The following PDE4DIP variants were observed in gnomAD, a reference collection of about 807,000 sequenced individuals.
PDE4DIP encodes phosphodiesterase 4D interacting protein.
PDE4DIP carries 59 observed loss-of-function variants against 221.4 expected under a neutral mutation model. That is an observed-to-expected ratio of 0.27 (90% CI 0.22 to 0.33). PDE4DIP has a LOEUF of 0.33. Among genes scored for constraint, PDE4DIP ranks in the 10% least tolerant of loss-of-function variants. The pLI is 1.00. For missense variants in PDE4DIP, 1,036 were observed against 2,154.2 expected, an observed-to-expected ratio of 0.48 and a Z score of 10.28; for synonymous variants, 404 against 815.9, an observed-to-expected ratio of 0.50 and a Z score of 8.60.
intron 32 of PDE4DIP, among the ~76,000 whole-genome samples, chr1:149,013,397 T>C: frequency 9.3e-6 from 1 of 107,638 alleles, no homozygotes. Flanking sequence ...ATCCTCTGAC[T>C]CCCAAAGATA....
chr1:148,820,715 G>A lies in PDE4DIP; in HGVS notation c.233+11978G>A, dbSNP rs1336931709. Among the ~76,000 whole-genome samples the A allele has an allele frequency of 2.2e-5, 2 of 89,972 alleles. 1 individual carries two copies. The highest frequency in any genetic ancestry group is 1.6e-4 in the African/African-American group (2 of 12,386). 59.0% of individuals were successfully genotyped at this position (89,972 alleles called of 152,430 possible). ...TGGACAATAACCCTACTTTTTTTTT[G>A]GGGGGGGGGTGGCTAGAATTGTCTT... On this transcript the variant is annotated intron_variant, in intron 1 of 45. Transcript: ENST00000524974.
exon 32 of PDE4DIP, chr1:149,012,731 G>A (rs2068955108): frequency 6.2e-7 from 1 of 1,612,998 alleles, no homozygotes; most frequent in African/African-American, 1.3e-5. Context: ...CTCCTTGGCT[G>A]AGGCTCAGCA....
At chr1:148,983,272 C>T (rs1368790254) in intron 21 of PDE4DIP, 2 of 152,096 alleles carry the variant, frequency 1.3e-5, no homozygotes, top group Non-Finnish European at 2.9e-5. Flanking sequence ...CTTAATTTTA[C>T]TAATAGACCA....
intron 23 of PDE4DIP, among the ~76,000 whole-genome samples, chr1:149,000,415 C>A (rs1365677383): frequency 6.6e-6 from 1 of 151,896 alleles, no homozygotes; most frequent in Non-Finnish European, 1.5e-5. Flanking sequence ...GTTAGCTGGG[C>A]GTGGTGGCAC....
intron 43 of PDE4DIP, 157 bp downstream of exon 46, chr1:149,030,435 G>T (rs1167414834): frequency 1.0e-6 from 1 of 985,306 alleles, no homozygotes; most frequent in Non-Finnish European, 1.2e-6. Context: ...TGAGCATCCT[G>T]CTAGTTTCTG....
exon 42 of PDE4DIP, chr1:149,029,841 G>A (rs782774522): frequency 1.0e-5 from 16 of 1,607,830 alleles, no homozygotes; most frequent in Non-Finnish European, 1.4e-5. Flanking sequence ...ATCCAAACAG[G>A]AGCGACTCCT....
intron 1 of PDE4DIP, among the ~76,000 whole-genome samples, chr1:148,918,942 C>T (rs587603032): frequency 1.2e-5 from 1 of 85,500 alleles, no homozygotes; most frequent in East Asian, 2.7e-4. Flanking sequence ...GACACTAAAG[C>T]AGGCTCTGGC....
At chr1:148,863,398 T>C in intron 2 of PDE4DIP, 93 bp downstream of exon 2, 1 of 474,980 alleles carries the variant, frequency 2.1e-6, no homozygotes. Context: ...ACTCTGTCAC[T>C]ATGGATGTAG....
chr1:149,031,965 C>T, exon 44 of PDE4DIP: 1 of 1,608,862 alleles, frequency 6.2e-7, no homozygotes, highest in East Asian at 2.2e-5. Context: ...AAGGGCTCTG[C>T]CATGTACTCC....
intron 2 of PDE4DIP, chr1:148,930,097 G>T (rs1468366062): frequency 6.6e-6 from 1 of 151,234 alleles, no homozygotes; most frequent in African/African-American, 2.4e-5. Flanking sequence ...TTGCTAAAAT[G>T]GTTACTTTTA....
chr1:148,948,596 C>T (rs370505044), intron 5 of PDE4DIP, among the ~76,000 whole-genome samples: 1 of 151,738 alleles, frequency 6.6e-6, no homozygotes, highest in Admixed American at 6.6e-5. Flanking sequence ...TCTTAAAGTG[C>T]GGGTGACTTT....
At chr1:148,920,189 G>A (rs1289855987) in intron 1 of PDE4DIP, among the ~76,000 whole-genome samples, 1 of 146,740 alleles carries the variant, frequency 6.8e-6, no homozygotes, top group Non-Finnish European at 1.5e-5. Context: ...CTGGAGTGCA[G>A]TGGCGCAATC....
chr1:148,829,002 G>A (rs1671329957), intron 1 of PDE4DIP, among the ~76,000 whole-genome samples: 2 of 141,192 alleles, frequency 1.4e-5, no homozygotes, highest in African/African-American at 5.0e-5. Flanking sequence ...TGTCCCAGTT[G>A]TCTATTCCTG....
intron 1 of PDE4DIP, among the ~76,000 whole-genome samples, chr1:148,893,214 A>G (rs1778596): frequency 4.1e-5 from 5 of 122,270 alleles, no homozygotes; most frequent in African/African-American, 1.5e-4. Context: ...GGCCTCCTAA[A>G]TTGCTGGGAT....
chr1:148,996,995 G>C (rs587668617), intron 22 of PDE4DIP, among the ~76,000 whole-genome samples: 79 of 152,380 alleles, frequency 5.2e-4, no homozygotes, highest in African/African-American at 1.8e-3. Context: ...AGAGATAAAA[G>C]AAAACAACAT....
At chr1:148,821,073 G>T (rs10910727) in intron 1 of PDE4DIP, among the ~76,000 whole-genome samples, 10 of 149,686 alleles carry the variant, frequency 6.7e-5, no homozygotes, top group Non-Finnish European at 1.0e-4. Context: ...GGATGGTCTC[G>T]ATCTCCTGAC....
chr1:148,864,257 TAATAAAATAATAAATA>T (rs1553404679), intron 2 of PDE4DIP, among the ~76,000 whole-genome samples: 1 of 132,640 alleles, frequency 7.5e-6, no homozygotes, highest in African/African-American at 3.2e-5. Flanking sequence ...AATTAAATAA[TAATAAAATAATAAATA>T]AATAAAATGG....
Position 149,028,549 on chromosome 1 carries a change from C to T in PDE4DIP, c.6670-11C>T, listed in dbSNP as rs782605801. The T allele has an allele frequency of 6.2e-7, 1 of 1,609,292 alleles. No homozygotes were observed. The highest frequency in any genetic ancestry group is 2.2e-5 in the East Asian group (1 of 44,652). On this transcript the variant is annotated splice_polypyrimidine_tract_variant and intron_variant, in intron 40 of 43. Coordinates refer to ENST00000369354, the Ensembl canonical transcript of PDE4DIP. ...TAATCTCTCCGCTCCTGTGGTGTTA[C>T]CTTTCCCCAGGTGCTAGGCAGCAAA...
At chr1:148,942,376 T>G (rs2150992897) in intron 5 of PDE4DIP, 1 of 152,314 alleles carries the variant, frequency 6.6e-6, no homozygotes, top group African/African-American at 2.4e-5. Flanking sequence ...TTCATTTTAG[T>G]GGGAGTGCAC....
Sources: gnomAD v4.1 joint callset for allele counts (sites outside exome capture counted in the v4.1 genomes callset) on GRCh38, gnomAD v4.1.1 for gene constraint, MANE v1.5 for transcripts, NCBI Gene and HGNC (gene_info 2026-07-23, HGNC 2026-07-21) for gene names.